The following INTS4 variants were observed in gnomAD, a reference collection of about 807,000 sequenced individuals.
INTS4 encodes integrator complex subunit 4.
INTS4 carries 70 observed loss-of-function variants against 119.5 expected under a neutral mutation model. The observed-to-expected ratio is 0.59, with a 90% CI of 0.48 to 0.71. The LOEUF (loss-of-function observed/expected upper bound fraction) is 0.71. Ranked by LOEUF, INTS4 falls within the 30% of genes least tolerant of loss-of-function variation. The pLI is 0.00. For synonymous variants in INTS4, 316 were observed against 419.6 expected (o/e 0.75, Z 3.02); for missense variants, 867 against 1,173.2 (o/e 0.74, Z 3.81).
intron 10 of INTS4, among the ~76,000 whole-genome samples, chr11:77,937,827 A>ATTTT (rs1953835600): frequency 3.7e-5 from 1 of 27,254 alleles, no homozygotes; most frequent in Admixed American, 2.6e-4. Flanking sequence ...GTATTTATTT[A>ATTTT]TTTATTTATT....
chr11:77,896,397 A>G (rs1400697825), intron 18 of INTS4, among the ~76,000 whole-genome samples: 1 of 152,226 alleles, frequency 6.6e-6, no homozygotes, highest in African/African-American at 2.4e-5. Flanking sequence ...CACGCCTGTA[A>G]TTCCAACACT....
In INTS4 at chr11:77,891,782, G is replaced by C. The variant is rs186898886; in HGVS notation, c.2347C>G (p.Leu783Val). 1.9e-6 allele frequency: 3 copies of C among 1,611,974 alleles called. No individual in the cohort carries two copies. Among genetic ancestry groups the C allele is most frequent in the African/African-American group, 2.7e-5 (2 of 74,966 alleles). Residue 783 changes from leucine to valine, a missense_variant, in exon 20 of 23, where the codon CTT becomes GTT. Transcript: ENST00000534064. ...QDSFVDKLLD[L>V]MPRLMTSKPA... The stretch of plus-strand genomic sequence containing the variant: ...TTGGATGTCATGAGTCGGGGCATAA[G>C]GTCAAGGAGTTTGTCCACAAAGCTG...
intron 10 of INTS4, among the ~76,000 whole-genome samples, chr11:77,930,010 G>A (rs963266250): frequency 2.6e-4 from 39 of 152,288 alleles, no homozygotes; most frequent in African/African-American, 8.7e-4. Flanking sequence ...CCACTGATCC[G>A]AGGAAGCCCT....
intron 18 of INTS4, among the ~76,000 whole-genome samples, chr11:77,898,422 A>G (rs1952624683): frequency 6.6e-6 from 1 of 152,160 alleles, no homozygotes; most frequent in East Asian, 1.9e-4. Flanking sequence ...TTGGACTCCC[A>G]AAGTGATGGG....
intron 10 of INTS4, among the ~76,000 whole-genome samples, chr11:77,936,693 C>T (rs998158817): frequency 5.3e-5 from 8 of 152,054 alleles, no homozygotes; most frequent in Non-Finnish European, 8.8e-5. Context: ...TTATATCTTG[C>T]AACGCTCAAA....
intron 8 of INTS4, among the ~76,000 whole-genome samples, chr11:77,942,513 A>G (rs575425574): frequency 6.6e-6 from 1 of 152,324 alleles, no homozygotes; most frequent in East Asian, 1.9e-4. Flanking sequence ...AATGTATAAA[A>G]TATTTTACTT....
At chr11:77,942,580 T>C (rs1953954652) in intron 8 of INTS4, among the ~76,000 whole-genome samples, 2 of 152,306 alleles carry the variant, frequency 1.3e-5, no homozygotes, top group South Asian at 2.1e-4. Flanking sequence ...CCCCATTTTC[T>C]AGATGAGAAC....
intron 4 of INTS4, among the ~76,000 whole-genome samples, chr11:77,965,740 G>C (rs1855475259): frequency 6.6e-6 from 1 of 152,082 alleles, no homozygotes; most frequent in Non-Finnish European, 1.5e-5. Context: ...CTGATAAACA[G>C]GTTGATTCCA....
At chr11:77,877,117 A>G (rs1396386731), downstream of INTS4, 7 of 689,490 alleles carry the variant, frequency 1.0e-5, no homozygotes, top group Admixed American at 1.4e-4. Context: ...TTTCGCACTC[A>G]TGACCTCGTG....
Position 77,978,239 on chromosome 11 carries a change from T to G in INTS4, c.471+757A>C, listed in dbSNP as rs567051837. The G allele has an allele frequency of 3.3e-5, 5 of 152,302 alleles. No homozygotes were observed. The South Asian group carries it at 1.0e-3, about 32-fold the overall frequency. The allele number at this position is 152,302 out of a possible 1,614,324, so 9.4% of individuals were successfully genotyped here. A position where few individuals can be genotyped will look rare whatever the true frequency, so the allele number is the denominator to read the frequency against. ...ACTTGTCAAAGTGTTTTTGGTTTTA[T>G]GTATGCCTGTTGTTTTAAGATAAAT... is the stretch of plus-strand genomic sequence containing the variant. On this transcript the variant is annotated intron_variant, in intron 4 of 22. Coordinates refer to ENST00000534064, the MANE Select transcript of INTS4 (RefSeq NM_033547.4).
At chr11:77,901,379 G>C in intron 18 of INTS4, 42 bp downstream of exon 18, 1 of 1,606,838 alleles carries the variant, frequency 6.2e-7, no homozygotes, top group African/African-American at 1.3e-5. Context: ...AAGTATCTTT[G>C]AAAGGAACAT....
At chr11:77,905,770 A>G (rs1038835795) in intron 16 of INTS4, among the ~76,000 whole-genome samples, 2 of 152,220 alleles carry the variant, frequency 1.3e-5, no homozygotes, top group African/African-American at 2.4e-5. Context: ...AGATGACCAC[A>G]GTTAAAAAGC....
At chr11:77,927,510 G>A (rs3758663) in intron 11 of INTS4, among the ~76,000 whole-genome samples, 22,158 of 152,074 alleles carry the variant, frequency 0.15, 1,840 homozygotes, top group East Asian at 0.26. Flanking sequence ...CCCCATTTAT[G>A]AATACTCTGA....
chr11:77,918,713 G>A, intron 15 of INTS4, 108 bp downstream of exon 15: 5 of 1,472,734 alleles, frequency 3.4e-6, no homozygotes, highest in Non-Finnish European at 4.6e-6. Context: ...TGTGAATGTA[G>A]ACCAATAAAG....
intron 15 of INTS4, chr11:77,911,115 G>A (rs1369402911): frequency 2.4e-6 from 3 of 1,271,520 alleles, no homozygotes; most frequent in South Asian, 1.3e-5. Context: ...GATAGTTAAC[G>A]ATGCCTCCTG....
At chr11:77,911,239 T>C (rs1410935092) in intron 15 of INTS4, 8 of 965,960 alleles carry the variant, frequency 8.3e-6, no homozygotes, top group South Asian at 4.9e-5. Flanking sequence ...TTTGGGTTGC[T>C]TGAACTGGTC....
intron 11 of INTS4, among the ~76,000 whole-genome samples, chr11:77,927,052 A>C (rs1158869102): frequency 2.0e-5 from 3 of 152,146 alleles, no homozygotes; most frequent in African/African-American, 4.8e-5. Flanking sequence ...TGTGGGAATA[A>C]GTGGACGTCT....
chr11:77,965,938 G>A (rs995754753), intron 4 of INTS4, among the ~76,000 whole-genome samples: 44 of 152,002 alleles, frequency 2.9e-4, no homozygotes, highest in Non-Finnish European at 1.8e-4. Flanking sequence ...TTACATCTTC[G>A]CCAACAGTGT....
At chr11:77,966,768 T>C (rs562371596) in intron 4 of INTS4, among the ~76,000 whole-genome samples, 13 of 152,358 alleles carry the variant, frequency 8.5e-5, no homozygotes, top group South Asian at 2.1e-4. Context: ...TTAAGTCTTT[T>C]GTGGTTTCAT....
Sources: allele counts gnomAD v4.1 joint callset (sites outside exome capture counted in the v4.1 genomes callset), GRCh38; gene constraint gnomAD v4.1.1; transcripts MANE v1.5; gene names NCBI Gene and HGNC (gene_info 2026-07-23, HGNC 2026-07-21).